CCSER1: variants seen among roughly 807,000 people sequenced by gnomAD.
CCSER1 encodes the protein serine-rich coiled-coil domain-containing protein 1.
In CCSER1, 41 loss-of-function variants were observed where a neutral mutation model predicts 82.0. That is an observed-to-expected ratio of 0.50 (90% CI 0.39 to 0.65). The LOEUF is 0.65. Among genes scored for constraint, CCSER1 ranks in the 30% least tolerant of loss-of-function variants. The probability of loss-of-function intolerance (pLI) is 0.00; values close to 1 mark genes in which losing one functional copy is unlikely to be tolerated. For synonymous variants in CCSER1, 414 were observed against 383.9 expected (o/e 1.08, Z -0.92); for missense variants, 1,119 against 1,064.2 (o/e 1.05, Z -0.72).
chr4:91,478,784 C>A (rs1158533787), intron 10 of CCSER1, among the ~76,000 whole-genome samples: 1 of 151,560 alleles, frequency 6.6e-6, no homozygotes, highest in Non-Finnish European at 1.5e-5. Flanking sequence ...CCACAAGAGA[C>A]CTACTTATTC....
At chr4:90,604,175 A>G (rs1297448829) in intron 5 of CCSER1, among the ~76,000 whole-genome samples, 1 of 152,192 alleles carries the variant, frequency 6.6e-6, no homozygotes, top group East Asian at 1.9e-4. Flanking sequence ...CATTTAACAA[A>G]TGGTAGGGAT....
chr4:91,249,695 T>G (rs913467397), intron 10 of CCSER1, among the ~76,000 whole-genome samples: 4 of 152,146 alleles, frequency 2.6e-5, no homozygotes, highest in African/African-American at 4.8e-5. Context: ...GTCCTAAAGT[T>G]TGTTTATAAT....
intron 8 of CCSER1, among the ~76,000 whole-genome samples, chr4:90,850,073 G>A (rs1478123139): frequency 1.3e-5 from 2 of 152,174 alleles, no homozygotes; most frequent in Non-Finnish European, 2.9e-5. Context: ...GCTAAAAGGG[G>A]CCAAGGTACT....
chr4:90,443,621 A>G (rs553495509), intron 4 of CCSER1, among the ~76,000 whole-genome samples: 1 of 152,164 alleles, frequency 6.6e-6, no homozygotes, highest in African/African-American at 2.4e-5. Flanking sequence ...AGAGTAGAAC[A>G]TGTGGGATTA....
At chr4:90,821,733 CAGAG>C (rs1759747332) in intron 8 of CCSER1, among the ~76,000 whole-genome samples, 1 of 151,994 alleles carries the variant, frequency 6.6e-6, no homozygotes, top group Non-Finnish European at 1.5e-5. Context: ...TGATATAAAA[CAGAG>C]AGATATTTTT....
intron 1 of CCSER1, among the ~76,000 whole-genome samples, chr4:90,174,043 C>T (rs115008234): frequency 0.029 from 4,425 of 151,864 alleles, 106 homozygotes; most frequent in South Asian, 0.061. Context: ...AAACTATGTC[C>T]CTTGGTCAGT....
At chr4:91,245,779 C>T (rs1320089743) in intron 10 of CCSER1, among the ~76,000 whole-genome samples, 1 of 152,152 alleles carries the variant, frequency 6.6e-6, no homozygotes, top group Non-Finnish European at 1.5e-5. Context: ...TCACTGTAAC[C>T]TCTGCCTCCC....
intron 9 of CCSER1, among the ~76,000 whole-genome samples, chr4:90,966,034 T>A (rs1734528252): frequency 1.3e-5 from 2 of 152,030 alleles, no homozygotes; most frequent in African/African-American, 2.4e-5. Context: ...CAGTTAAATT[T>A]AAGATAGATT....
intron 10 of CCSER1, among the ~76,000 whole-genome samples, chr4:91,340,240 C>A (rs1034398773): frequency 6.6e-6 from 1 of 152,088 alleles, no homozygotes; most frequent in Non-Finnish European, 1.5e-5. Context: ...TGGTCTAATT[C>A]TCTCAAAATT....
chr4:90,171,452 A>G (rs369239629), intron 1 of CCSER1, among the ~76,000 whole-genome samples: 10 of 151,948 alleles, frequency 6.6e-5, no homozygotes, highest in East Asian at 3.9e-4. Flanking sequence ...TTTGCCTATT[A>G]TATATCATTT....
intron 1 of CCSER1, among the ~76,000 whole-genome samples, chr4:90,155,828 T>C (rs1304421057): frequency 6.6e-6 from 1 of 151,796 alleles, no homozygotes; most frequent in African/African-American, 2.4e-5. Flanking sequence ...AACCAGCTCC[T>C]GGATTCATTA....
intron 1 of CCSER1, among the ~76,000 whole-genome samples, chr4:90,169,932 C>T (rs1731312479): frequency 6.6e-6 from 1 of 151,734 alleles, no homozygotes; most frequent in Non-Finnish European, 1.5e-5. Flanking sequence ...GTATCCTGGA[C>T]CTCCTTCCCT....
intron 1 of CCSER1, among the ~76,000 whole-genome samples, chr4:90,154,869 A>G (rs1284191781): frequency 6.6e-6 from 1 of 151,764 alleles, no homozygotes; most frequent in East Asian, 1.9e-4. Flanking sequence ...AATACCCTTT[A>G]TTTCCTTCTC....
chr4:90,227,647 G>A (rs904085441), intron 1 of CCSER1, among the ~76,000 whole-genome samples: 5 of 152,228 alleles, frequency 3.3e-5, no homozygotes, highest in African/African-American at 1.2e-4. Flanking sequence ...AACAGCTCTG[G>A]TCTACAGCTC....
intron 9 of CCSER1, among the ~76,000 whole-genome samples, chr4:90,942,517 AAATGAT>A: frequency 2.0e-5 from 3 of 152,266 alleles, no homozygotes; most frequent in Admixed American, 2.0e-4. Context: ...CAAAAGTCTC[AAATGAT>A]AATAAAATAT....
At chr4:91,131,966 A>G (rs1728038537) in intron 10 of CCSER1, among the ~76,000 whole-genome samples, 1 of 151,926 alleles carries the variant, frequency 6.6e-6, no homozygotes, top group Non-Finnish European at 1.5e-5. Context: ...CAAAATGAAG[A>G]TGATAATATC....
chr4:90,928,099 C>T (rs1465322922), intron 9 of CCSER1, among the ~76,000 whole-genome samples: 1 of 151,930 alleles, frequency 6.6e-6, no homozygotes. Context: ...GTGACTCCCC[C>T]GCACATGCTT....
chr4:91,085,807 C>A (rs1420894859), intron 9 of CCSER1, 143 bp from the exon 10 acceptor site: 3 of 609,230 alleles, frequency 4.9e-6, no homozygotes, highest in Admixed American at 2.7e-5. Context: ...CACATACACA[C>A]CCATGAGATA....
At chr4:90,825,722 T>C (rs1396793847) in intron 8 of CCSER1, among the ~76,000 whole-genome samples, 1 of 150,456 alleles carries the variant, frequency 6.6e-6, no homozygotes, top group Non-Finnish European at 1.5e-5. Context: ...TGTTTTGTTT[T>C]TGTTGTTGCT....
Sources: gnomAD v4.1 joint callset for allele counts (sites outside exome capture counted in the v4.1 genomes callset) on GRCh38, gnomAD v4.1.1 for gene constraint, MANE v1.5 for transcripts, NCBI Gene and HGNC (gene_info 2026-07-23, HGNC 2026-07-21) for gene names.